KDM2A: variants seen among roughly 807,000 people sequenced by gnomAD.
KDM2A encodes the protein lysine-specific demethylase 2A.
In KDM2A, 3 loss-of-function variants were observed where a neutral mutation model predicts 137.3. The ratio of observed to expected loss-of-function variants is 0.02; its 90% CI spans 0.01 to 0.06. KDM2A has a LOEUF of 0.06. Ranked by LOEUF, KDM2A falls within the 10% of genes least tolerant of loss-of-function variation. KDM2A has a pLI of 1.00. For missense variants in KDM2A, 738 were observed against 1,510.6 expected (o/e 0.49, Z 8.48); for synonymous variants, 512 against 541.5 (o/e 0.95, Z 0.76).
intron 12 of KDM2A, 54 bp downstream of exon 12, chr11:67,232,014 T>G (rs1858733292): frequency 6.6e-7 from 1 of 1,516,282 alleles, no homozygotes; most frequent in African/African-American, 1.4e-5. Context: ...GGCAGTCAGC[T>G]TCCAGATTCA....
At chr11:67,151,379 A>C (rs1354669835) in intron 2 of KDM2A, among the ~76,000 whole-genome samples, 1 of 151,838 alleles carries the variant, frequency 6.6e-6, no homozygotes, top group East Asian at 1.9e-4. Context: ...TTTTAAATTT[A>C]ATTTTATTAT....
At chr11:67,197,636 GAAGT>G (rs1857513565) in intron 5 of KDM2A, among the ~76,000 whole-genome samples, 1 of 152,220 alleles carries the variant, frequency 6.6e-6, no homozygotes, top group Non-Finnish European at 1.5e-5. Flanking sequence ...GTCTCAGAAA[GAAGT>G]AAGCCATTCT....
In KDM2A at chr11:67,245,804, T is replaced by C. The variant is rs1859187108; in HGVS notation, c.1834-181T>C. 1 of 693,434 alleles carries C rather than the reference T, an allele frequency of 1.4e-6. No homozygotes were observed. Among genetic ancestry groups the C allele is most frequent in the African/African-American group, 1.8e-5 (1 of 55,398 alleles). 43.0% of individuals were successfully genotyped at this position (693,434 alleles called of 1,614,324 possible). Reference sequence around the variant, plus strand: ...AGTCTCTGGTGCCCAGGTGGTTGAGTCCTCCTCTTCCCCAGTCATTTTTCC... The same window carrying C: ...AGTCTCTGGTGCCCAGGTGGTTGAGCCCTCCTCTTCCCCAGTCATTTTTCC... On this transcript the variant is annotated intron_variant, in intron 14 of 20. Transcript: ENST00000529006. This position sits in a 1 kb window ranked among gnomAD's most constrained non-coding sequence, Gnocchi z 4.1.
chr11:67,137,573 T>C (rs1009267021), intron 2 of KDM2A, among the ~76,000 whole-genome samples: 1 of 152,170 alleles, frequency 6.6e-6, no homozygotes, highest in African/African-American at 2.4e-5. Flanking sequence ...TAAATATAAG[T>C]ATGACTCCCA....
chr11:67,216,126 T>C (rs1858152201), intron 8 of KDM2A, among the ~76,000 whole-genome samples, 177 bp downstream of exon 8: 1 of 152,204 alleles, frequency 6.6e-6, no homozygotes. Flanking sequence ...TAGAAATTAG[T>C]ATTCATCTAG....
At chr11:67,164,155 A>C (rs1422129847) in intron 2 of KDM2A, among the ~76,000 whole-genome samples, 1 of 152,172 alleles carries the variant, frequency 6.6e-6, no homozygotes, top group Non-Finnish European at 1.5e-5. Context: ...TGACATTTTC[A>C]CATGAGAAAA....
intron 5 of KDM2A, among the ~76,000 whole-genome samples, chr11:67,204,072 A>G (rs1414826570): frequency 1.3e-5 from 2 of 152,152 alleles, no homozygotes; most frequent in Non-Finnish European, 2.9e-5. Context: ...AAGTGCTGAG[A>G]TTACAGGCGT....
At chr11:67,124,996 T>A (rs1855686257) in intron 2 of KDM2A, among the ~76,000 whole-genome samples, 1 of 151,488 alleles carries the variant, frequency 6.6e-6, no homozygotes, top group Non-Finnish European at 1.5e-5. Flanking sequence ...TAGCTAGGGC[T>A]ACAGGCGCCC....
chr11:67,178,526 T>C (rs991668306), intron 2 of KDM2A, among the ~76,000 whole-genome samples: 20 of 152,222 alleles, frequency 1.3e-4, no homozygotes, highest in African/African-American at 4.8e-4. Context: ...CCCATACTAT[T>C]AACAGTCACT....
intron 5 of KDM2A, among the ~76,000 whole-genome samples, chr11:67,207,141 A>AGAGT (rs1270876546): frequency 4.6e-5 from 7 of 152,230 alleles, no homozygotes; most frequent in Non-Finnish European, 1.0e-4. Flanking sequence ...GCTTGACTCT[A>AGAGT]GAGTGAGCCT....
intron 5 of KDM2A, among the ~76,000 whole-genome samples, chr11:67,195,225 C>T (rs972187203): frequency 2.0e-5 from 3 of 151,818 alleles, no homozygotes; most frequent in Admixed American, 1.3e-4. Flanking sequence ...ACAAATTAGC[C>T]GGGCGTGGTG....
At chr11:67,238,061 T>C (rs895170797) in intron 12 of KDM2A, among the ~76,000 whole-genome samples, 1 of 152,196 alleles carries the variant, frequency 6.6e-6, no homozygotes, top group Non-Finnish European at 1.5e-5. Flanking sequence ...GTAACTCAGT[T>C]ATGAGGCATA....
chr11:67,234,637 C>T (rs4084238), intron 12 of KDM2A, among the ~76,000 whole-genome samples: 5,599 of 152,232 alleles, frequency 0.037, 435 homozygotes, highest in Admixed American at 0.18. Context: ...AGGCGGCAGA[C>T]GCAGGCAGAT....
chr11:67,161,053 A>G (rs1246215265), intron 2 of KDM2A, among the ~76,000 whole-genome samples: 2 of 152,090 alleles, frequency 1.3e-5, no homozygotes, highest in Admixed American at 6.5e-5. Context: ...TTTTTGCCTG[A>G]GTTAACTGTG....
intron 2 of KDM2A, among the ~76,000 whole-genome samples, chr11:67,158,845 T>C (rs1856576620): frequency 6.6e-6 from 1 of 152,186 alleles, no homozygotes. Flanking sequence ...TTTAGATCTT[T>C]TGCTTACTGT....
chr11:67,214,311 T>A (rs1275576655), intron 6 of KDM2A, among the ~76,000 whole-genome samples: 1 of 150,086 alleles, frequency 6.7e-6, no homozygotes, highest in Non-Finnish European at 1.5e-5. Flanking sequence ...TTCATGCCAT[T>A]CTCCTGCCTC....
At chr11:67,122,264 A>T (rs1048688590) in intron 2 of KDM2A, among the ~76,000 whole-genome samples, 4 of 152,202 alleles carry the variant, frequency 2.6e-5, no homozygotes, top group African/African-American at 7.2e-5. Flanking sequence ...TAGGAGAAAA[A>T]GAATGGTTCT....
chr11:67,190,652 T>C (rs1424590418), intron 5 of KDM2A, among the ~76,000 whole-genome samples: 1 of 152,016 alleles, frequency 6.6e-6, no homozygotes, highest in Non-Finnish European at 1.5e-5. Context: ...TCCCAGCTAC[T>C]CAGGAGGCTG....
rs924007909 is a variant in KDM2A, at chr11:67,254,625, G to C, written c.3307+207G>C. ...GAGTAGTTAAGTCGGTTGCCTGTCTGCGCAGCCAACATCCAGCTGGAGTTT... is the reference window on the plus strand; with the variant it reads ...GAGTAGTTAAGTCGGTTGCCTGTCTCCGCAGCCAACATCCAGCTGGAGTTT... On this transcript the variant is annotated intron_variant, in intron 20 of 20. Coordinates refer to ENST00000529006, the MANE Select transcript of KDM2A (RefSeq NM_012308.3). The surrounding 1 kb of genome is among the most constrained non-coding windows in gnomAD (Gnocchi z 4.7). 8.0e-5 allele frequency: 51 copies of C among 638,422 alleles called. No homozygotes were observed. The highest frequency in any genetic ancestry group is 2.8e-4 in the Middle Eastern group (1 of 3,520). The allele number at this position is 638,422 out of a possible 1,614,324, so 39.5% of individuals were successfully genotyped here.
Sources: allele counts gnomAD v4.1 joint callset (sites outside exome capture counted in the v4.1 genomes callset), GRCh38; gene constraint gnomAD v4.1.1; non-coding constraint Gnocchi (gnomAD v3.1); transcripts MANE v1.5; gene names NCBI Gene and HGNC (gene_info 2026-07-23, HGNC 2026-07-21).